Variants in ABCC8 observed in about 807,000 individuals in gnomAD.
ABCC8 encodes the protein ATP binding cassette subfamily C member 8.
Under a neutral mutation model 188.0 loss-of-function variants are expected in ABCC8, and 137 were observed. The ratio of observed to expected loss-of-function variants is 0.73; its 90% confidence interval spans 0.63 to 0.84. The LOEUF (loss-of-function observed/expected upper bound fraction) is 0.84, where lower values mean the gene tolerates loss of function less well. Among genes scored for constraint, ABCC8 ranks in the 40% least tolerant of loss-of-function variants. The pLI, the probability that ABCC8 is intolerant of heterozygous loss-of-function variation, is 0.00. For missense variants in ABCC8, 1,750 were observed against 2,072.7 expected, an observed-to-expected ratio of 0.84 and a Z score of 3.02; for synonymous variants, 797 against 846.5, an observed-to-expected ratio of 0.94 and a Z score of 1.01.
Position 17,413,409 on chromosome 11 carries a change from G to A in ABCC8, c.2460C>T (p.Thr820=). 3 of 1,614,170 alleles carry A rather than the reference G, an allele frequency of 1.9e-6. No individual in the cohort carries two copies. The highest frequency in any genetic ancestry group is 1.1e-5 in the South Asian group (1 of 91,082). Residue 820 remains threonine, a synonymous_variant, in exon 20 of 39, where the codon ACC becomes ACT. Transcript: ENST00000389817. ...DIDILPHGDQ[T]QIGERGINLS... is the part of the protein sequence containing the mutation. ...TGCTACTAACCCGTTCCCCAATCTGGGTCTGGTCTCCATGGGGCAGGATGT... is the reference window on the plus strand; with the variant it reads ...TGCTACTAACCCGTTCCCCAATCTGAGTCTGGTCTCCATGGGGCAGGATGT...
chr11:17,415,281 G>A lies in ABCC8; in HGVS notation c.2291+23C>T, dbSNP rs368057346. 1.5e-5 allele frequency: 24 copies of A among 1,602,924 alleles called. No individual in the cohort carries two copies. In the African/African-American group the frequency reaches 1.7e-4, roughly 12 times the overall value. ...CCCTGGAGGGAGTTGACCCTGGGGGGCAATGTTCCCAGGACGCAGTACCTG... is the reference window on the plus strand; with the variant it reads ...CCCTGGAGGGAGTTGACCCTGGGGGACAATGTTCCCAGGACGCAGTACCTG... On this transcript the variant is annotated intron_variant, in intron 18 of 38. Coordinates refer to ENST00000389817, the MANE Select transcript of ABCC8 (RefSeq NM_000352.6).
intron 17 of ABCC8, 112 bp downstream of exon 17, chr11:17,416,818 G>A: frequency 1.4e-6 from 2 of 1,478,048 alleles, no homozygotes; most frequent in Non-Finnish European, 1.9e-6. Context: ...AAAATATGTA[G>A]GCTGCACATC....
At chr11:17,476,428 C>T (rs1848778911) in intron 1 of ABCC8, among the ~76,000 whole-genome samples, 1 of 152,192 alleles carries the variant, frequency 6.6e-6, no homozygotes, top group Non-Finnish European at 1.5e-5. Context: ...GGCGCGGGAT[C>T]GGGGGCACCG....
chr11:17,463,365 G>T, intron 4 of ABCC8, 73 bp downstream of exon 4: 1 of 1,283,292 alleles, frequency 7.8e-7, no homozygotes, highest in Non-Finnish European at 1.1e-6. Flanking sequence ...CAGGGTGGGG[G>T]CCTGAACCCA....
intron 1 of ABCC8, among the ~76,000 whole-genome samples, chr11:17,475,541 A>AAGAAGG (rs1848715180): frequency 6.6e-6 from 1 of 152,164 alleles, no homozygotes; most frequent in Non-Finnish European, 1.5e-5. Flanking sequence ...CCCATTATAC[A>AAGAAGG]TACTAACTTC....
At chr11:17,415,086 C>G in intron 18 of ABCC8, among the ~76,000 whole-genome samples, 1 of 79,304 alleles carries the variant, frequency 1.3e-5, no homozygotes, top group South Asian at 3.7e-4. Context: ...AAAAAGAGAT[C>G]CCAGATAAAA....
Position 17,404,391 on chromosome 11 carries a change from T to A in ABCC8, c.3557+121A>T. 1.0e-6 allele frequency: 1 copy of A among 975,064 alleles called. No individual in the cohort carries two copies. The highest frequency in any genetic ancestry group is 1.5e-6 in the Non-Finnish European group (1 of 651,488). 60.4% of individuals were successfully genotyped at this position (975,064 alleles called of 1,614,324 possible). On this transcript the variant is annotated intron_variant, in intron 28 of 38. Transcript: ENST00000389817. The surrounding 1 kb of genome is among the most constrained non-coding windows in gnomAD (Gnocchi z 4.7). ...GATATTTCTATTTCCTTCATTTCTG[T>A]TTTTTGTTTTTATTTTTTGGAGGGA...
At position 17,405,465 on chromosome 11, in the gene ABCC8, G is replaced by T. The variant is rs201501833; in HGVS notation, c.3399+29C>A. The T allele has an allele frequency of 1.2e-5, 19 of 1,613,994 alleles. No homozygotes were observed. In the African/African-American group the frequency reaches 1.2e-4, roughly 10 times the overall value. On this transcript the variant is annotated intron_variant, in intron 27 of 38. Transcript: ENST00000389817. ...CAGGGGTCCGAGGTGTCTCTGGAAGGGGGGATAGTGTGGCACGGTCCTCTG... is the reference window on the plus strand; with the variant it reads ...CAGGGGTCCGAGGTGTCTCTGGAAGTGGGGATAGTGTGGCACGGTCCTCTG...
chr11:17,413,415 G>A lies in ABCC8; in HGVS notation c.2454C>T (p.Asp818=). 1 of 1,614,190 alleles carries A rather than the reference G, an allele frequency of 6.2e-7. No homozygotes were observed. The highest frequency in any genetic ancestry group is 8.5e-7 in the Non-Finnish European group (1 of 1,180,038). The part of the protein sequence containing the change: ...QPDIDILPHG[D]QTQIGERGIN... The stretch of plus-strand genomic sequence containing the variant: ...TAACCCGTTCCCCAATCTGGGTCTG[G>A]TCTCCATGGGGCAGGATGTCGATGT... Residue 818 remains aspartate (D), a synonymous_variant, in exon 20 of 39, where the codon GAC becomes GAT. Transcript: ENST00000389817.
At chr11:17,397,835 T>C in intron 30 of ABCC8, 38 bp from the exon 31 acceptor site, 2 of 1,610,550 alleles carry the variant, frequency 1.2e-6, no homozygotes, top group South Asian at 2.2e-5. Flanking sequence ...CGCTCAGGGG[T>C]TAGAGCCACA....
rs929612239 is a variant in ABCC8 at position 17,427,938 on chromosome 11, A to G, written c.2045T>C (p.Met682Thr). The G allele has an allele frequency of 1.2e-6, 2 of 1,613,802 alleles. No homozygotes were observed. ...GDADNCCVQI[M>T]GGYFTWTPDG... Reference sequence around the variant, plus strand: ...TGGGGTCCACGTGAAGTAGCCTCCCATGATCTTCATTAGGCGTGTCCCACC... The same window carrying G: ...TGGGGTCCACGTGAAGTAGCCTCCCGTGATCTTCATTAGGCGTGTCCCACC... The change falls in exon 15 of 39, where the codon ATG becomes ACG. Residue 682 changes from methionine (M) to threonine (T), a missense_variant. By Grantham distance (81) the Met-to-Thr change is moderately conservative (BLOSUM62 -1). Transcript: ENST00000389817. The surrounding 1 kb of genome is among the most constrained non-coding windows in gnomAD (Gnocchi z 5.0).
intron 5 of ABCC8, 120 bp from the exon 6 acceptor site, chr11:17,460,796 C>A: frequency 6.5e-7 from 1 of 1,533,984 alleles, no homozygotes. Context: ...ACATCCTCTG[C>A]AAATAGGTGA....
At chr11:17,406,115 T>C (rs545515781) in intron 26 of ABCC8, among the ~76,000 whole-genome samples, 2 of 152,370 alleles carry the variant, frequency 1.3e-5, no homozygotes, top group East Asian at 3.9e-4. Context: ...GTTGTGTTTT[T>C]AAGCCAAGTT....
intron 22 of ABCC8, 149 bp from the exon 23 acceptor site, chr11:17,408,666 AT>A: frequency 1.6e-6 from 2 of 1,283,108 alleles, no homozygotes; most frequent in Non-Finnish European, 2.1e-6. Flanking sequence ...GTGGGCTGGT[AT>A]TGATAACCTA....
chr11:17,451,625 TTCTGA>T (rs1956819745), intron 7 of ABCC8, among the ~76,000 whole-genome samples: 2 of 152,238 alleles, frequency 1.3e-5, no homozygotes, highest in Admixed American at 1.3e-4. Flanking sequence ...ATGTTAATGA[TTCTGA>T]GGAACATTTC....
chr11:17,410,943 G>A (rs1440907190), intron 21 of ABCC8, among the ~76,000 whole-genome samples: 1 of 152,170 alleles, frequency 6.6e-6, no homozygotes, highest in Non-Finnish European at 1.5e-5. Context: ...GTGGGCTGGT[G>A]TTCCAGGTGC....
In ABCC8 at chr11:17,396,997, G is replaced by T. The variant is rs1363346196; in HGVS notation, c.4038C>A (p.Ile1346=). ...KNWPDQGKIQ[I]QNLSVRYDSS... ...TGTCGTAGCGCACGCTCAGGTTCTGGATCTGGATCTTCCCTTGGTCTGGCC... is the reference window on the plus strand; with the variant it reads ...TGTCGTAGCGCACGCTCAGGTTCTGTATCTGGATCTTCCCTTGGTCTGGCC... Residue 1346 remains isoleucine (I), a synonymous_variant, in exon 33 of 39, where the codon ATC becomes ATA. Coordinates refer to ENST00000389817, the MANE Select transcript of ABCC8 (RefSeq NM_000352.6). The T allele has an allele frequency of 1.7e-5, 27 of 1,614,224 alleles. No homozygotes were observed. The highest frequency in any genetic ancestry group is 2.3e-5 in the Non-Finnish European group (27 of 1,180,026).
At chr11:17,398,005 C>T (rs1472271223) in intron 30 of ABCC8, 2 of 571,674 alleles carry the variant, frequency 3.5e-6, no homozygotes, top group Admixed American at 1.3e-4. Context: ...GCTCCCCTAC[C>T]CCCTAGCCCC....
chr11:17,403,175 G>A (rs906084523), intron 28 of ABCC8, among the ~76,000 whole-genome samples: 8 of 152,206 alleles, frequency 5.3e-5, no homozygotes, highest in South Asian at 4.2e-4. Context: ...CCCGTCTTCC[G>A]CTTACCCCAT....
Sources: gnomAD v4.1 joint callset for allele counts (sites outside exome capture counted in the v4.1 genomes callset) on GRCh38, gnomAD v4.1.1 for gene constraint, Gnocchi (gnomAD v3.1) non-coding constraint, MANE v1.5 for transcripts, NCBI Gene and HGNC (gene_info 2026-07-23, HGNC 2026-07-21) for gene names.